Variants in DGKI observed in about 807,000 individuals in gnomAD.
DGKI encodes diacylglycerol kinase iota.
DGKI carries 55 observed loss-of-function variants against 147.5 expected under a neutral mutation model. The observed-to-expected ratio is 0.37, with a 90% CI of 0.30 to 0.47. The LOEUF is 0.47. DGKI is among the 20% of genes least tolerant of loss of function. The probability of loss-of-function intolerance (pLI) is 1.00; values close to 1 mark genes in which losing one functional copy is unlikely to be tolerated. For missense variants in DGKI, 1,007 were observed against 1,323.8 expected (o/e 0.76, Z 3.71); for synonymous variants, 469 against 477.1 (o/e 0.98, Z 0.22).
chr7:137,524,517 C>A (rs1383936727), intron 20 of DGKI, among the ~76,000 whole-genome samples: 2 of 151,886 alleles, frequency 1.3e-5, no homozygotes, highest in African/African-American at 4.8e-5. Flanking sequence ...AAAAAATTTA[C>A]GCAATTAACA....
At chr7:137,592,733 T>A (rs1819660063) in intron 12 of DGKI, among the ~76,000 whole-genome samples, 1 of 152,232 alleles carries the variant, frequency 6.6e-6, no homozygotes, top group Non-Finnish European at 1.5e-5. Context: ...ATTGGATGAC[T>A]GGGGGACCCT....
chr7:137,587,014 C>T (rs533233120), intron 13 of DGKI, 83 bp downstream of exon 13: 4 of 999,944 alleles, frequency 4.0e-6, no homozygotes, highest in South Asian at 4.4e-5. Flanking sequence ...CAGCAGTACC[C>T]CCCTCTTCCA....
At chr7:137,663,444 C>T (rs998949653) in intron 3 of DGKI, among the ~76,000 whole-genome samples, 4 of 152,202 alleles carry the variant, frequency 2.6e-5, no homozygotes, top group African/African-American at 9.7e-5. Context: ...AAATCAAAGG[C>T]ATTCCAGCAG....
chr7:137,479,013 A>G (rs915391213), intron 23 of DGKI, among the ~76,000 whole-genome samples: 2 of 152,204 alleles, frequency 1.3e-5, no homozygotes, highest in Non-Finnish European at 2.9e-5. Flanking sequence ...TGTGCCTCTA[A>G]CCATCATATC....
At chr7:137,642,401 A>G (rs1169694208) in intron 6 of DGKI, among the ~76,000 whole-genome samples, 1 of 152,174 alleles carries the variant, frequency 6.6e-6, no homozygotes, top group Non-Finnish European at 1.5e-5. Context: ...TAGCTTGACC[A>G]CAGCTCTCTG....
At chr7:137,539,370 AAAGG>A (rs2128960344) in intron 20 of DGKI, among the ~76,000 whole-genome samples, 2 of 152,282 alleles carry the variant, frequency 1.3e-5, no homozygotes, top group South Asian at 4.1e-4. Context: ...ATGACAGCAG[AAAGG>A]AAGGAACTCA....
chr7:137,793,403 C>T (rs1046374680), intron 1 of DGKI, among the ~76,000 whole-genome samples: 4 of 151,838 alleles, frequency 2.6e-5, no homozygotes, highest in African/African-American at 7.3e-5. Flanking sequence ...CGGGTTCAAG[C>T]GAGTCTCCTG....
chr7:137,528,878 C>A (rs1011653356), intron 20 of DGKI, among the ~76,000 whole-genome samples: 2 of 152,148 alleles, frequency 1.3e-5, no homozygotes, highest in Admixed American at 6.6e-5. Context: ...TCTCTGCAGT[C>A]TCTATTTATT....
Position 137,386,442 on chromosome 7 carries a change from A to AT in DGKI, c.*4777dup. On this transcript the variant is annotated 3_prime_UTR_variant, in exon 33 of 33. Transcript: ENST00000614521. ...GACAGATATTTGCTAAACCTGATAG[A>AT]TTTTCAGAATCATGCTTGCCATAAT... The AT allele has an allele frequency of 6.6e-6, 1 of 152,228 alleles. No homozygotes were observed. The highest frequency in any genetic ancestry group is 3.4e-3 in the Middle Eastern group (1 of 294). The allele number at this position is 152,228 out of a possible 1,614,324, so 9.4% of individuals were successfully genotyped here. A position where few individuals can be genotyped will look rare whatever the true frequency, so the allele number is the denominator to read the frequency against.
intron 28 of DGKI, among the ~76,000 whole-genome samples, chr7:137,434,626 C>T (rs1457486864): frequency 6.6e-6 from 1 of 151,958 alleles, no homozygotes; most frequent in East Asian, 1.9e-4. Flanking sequence ...CTCATCTTCT[C>T]CAGCCACTTA....
chr7:137,722,310 A>C, intron 1 of DGKI: 1 of 1,612,864 alleles, frequency 6.2e-7, no homozygotes, highest in Non-Finnish European at 8.5e-7. Flanking sequence ...GGGTGGTTAA[A>C]CTTCGCAAAA....
At chr7:137,570,445 T>C (rs1818753426) in intron 19 of DGKI, among the ~76,000 whole-genome samples, 1 of 152,190 alleles carries the variant, frequency 6.6e-6, no homozygotes, top group African/African-American at 2.4e-5. Flanking sequence ...TTTGTGATAA[T>C]GGAGATGATC....
rs1032541651 is a variant in DGKI at position 137,388,565 on chromosome 7, T to C, written c.*2655A>G. ...ACTTGCTTTCCTGATGTCCTAATAG[T>C]AGGGATACAATATACTTAAGCTGAG... On this transcript the variant is annotated 3_prime_UTR_variant, in exon 33 of 33. Transcript: ENST00000614521. 1.5e-4 allele frequency: 23 copies of C among 152,274 alleles called. No individual in the cohort carries two copies. Among genetic ancestry groups the C allele is most frequent in the African/African-American group, 4.1e-4 (17 of 41,558 alleles). The allele number at this position is 152,274 out of a possible 1,614,324, so 9.4% of individuals were successfully genotyped here. A position where few individuals can be genotyped will look rare whatever the true frequency, so the allele number is the denominator to read the frequency against.
intron 1 of DGKI, among the ~76,000 whole-genome samples, chr7:137,715,581 C>T (rs984322647): frequency 3.3e-5 from 5 of 152,168 alleles, no homozygotes; most frequent in African/African-American, 9.7e-5. Flanking sequence ...TGTAGAATCA[C>T]TATTAAAGTC....
intron 1 of DGKI, among the ~76,000 whole-genome samples, chr7:137,841,910 T>G (rs1310417843): frequency 6.6e-6 from 1 of 152,192 alleles, no homozygotes; most frequent in African/African-American, 2.4e-5. Flanking sequence ...ATCCCCAGAT[T>G]CCACAGGACC....
intron 2 of DGKI, among the ~76,000 whole-genome samples, chr7:137,686,681 C>A (rs1241358343): frequency 6.6e-6 from 1 of 152,178 alleles, no homozygotes; most frequent in African/African-American, 2.4e-5. Flanking sequence ...AGCATAAAAA[C>A]TGTCTGCTAT....
intron 1 of DGKI, among the ~76,000 whole-genome samples, chr7:137,792,604 C>T (rs932843591): frequency 2.0e-5 from 3 of 152,172 alleles, no homozygotes; most frequent in Non-Finnish European, 4.4e-5. Flanking sequence ...TTGTTCCTTC[C>T]AAATCTCATG....
At chr7:137,461,637 C>T (rs1025018288) in intron 27 of DGKI, among the ~76,000 whole-genome samples, 1 of 152,118 alleles carries the variant, frequency 6.6e-6, no homozygotes, top group African/African-American at 2.4e-5. Context: ...CAGACTGAGC[C>T]TAGTAGAGAT....
At chr7:137,417,244 T>C (rs1298091944) in intron 28 of DGKI, among the ~76,000 whole-genome samples, 4 of 152,220 alleles carry the variant, frequency 2.6e-5, no homozygotes, top group Non-Finnish European at 1.5e-5. Flanking sequence ...TTAATGGATA[T>C]AAAAGTTTTT....
Sources: allele counts gnomAD v4.1 joint callset (sites outside exome capture counted in the v4.1 genomes callset), GRCh38; gene constraint gnomAD v4.1.1; transcripts MANE v1.5; gene names NCBI Gene and HGNC (gene_info 2026-07-23, HGNC 2026-07-21).